The following ATXN1 variants were observed in gnomAD, a reference collection of about 807,000 sequenced individuals.
The protein encoded by ATXN1 is ataxin-1.
Under a neutral mutation model 56.4 loss-of-function variants are expected in ATXN1, and 8 were observed. That is an observed-to-expected ratio of 0.14 (90% confidence interval 0.08 to 0.26). The LOEUF (loss-of-function observed/expected upper bound fraction) is 0.26. ATXN1 is among the 10% of genes least tolerant of loss of function. The probability of loss-of-function intolerance (pLI) is 1.00; values close to 1 mark genes in which losing one functional copy is unlikely to be tolerated. For synonymous variants in ATXN1, 514 were observed against 494.6 expected (o/e 1.04, Z -0.52); for missense variants, 987 against 1,106.5 (o/e 0.89, Z 1.53).
rs186325810 is a variant in ATXN1 at position 16,300,413 on chromosome 6, G to A, written c.*5916C>T. The A allele has an allele frequency of 2.6e-5, 4 of 152,674 alleles. No homozygotes were observed. Among genetic ancestry groups the A allele is most frequent in the East Asian group, 3.9e-4 (2 of 5,190 alleles). 9.5% of individuals were successfully genotyped at this position (152,674 alleles called of 1,614,324 possible). On this transcript the variant is annotated 3_prime_UTR_variant, in exon 8 of 8. Transcript: ENST00000436367. Reference sequence around the variant, plus strand: ...AGCTACCAGAACAGTTGCCTTCAACGAGAAGGGAGGGGACGAGATTCTGAA... The same window carrying A: ...AGCTACCAGAACAGTTGCCTTCAACAAGAAGGGAGGGGACGAGATTCTGAA...
At chr6:16,749,273 TATC>T (rs1369429975) in intron 2 of ATXN1, among the ~76,000 whole-genome samples, 1 of 152,224 alleles carries the variant, frequency 6.6e-6, no homozygotes, top group Non-Finnish European at 1.5e-5. Flanking sequence ...GATTTACGCA[TATC>T]ATGTGAGATG....
chr6:16,536,196 G>A (rs1470297718), intron 4 of ATXN1, among the ~76,000 whole-genome samples: 1 of 151,950 alleles, frequency 6.6e-6, no homozygotes, highest in East Asian at 1.9e-4. Flanking sequence ...CAACCTGGGC[G>A]ACAGAGTGAG....
In ATXN1 at chr6:16,304,568, C is replaced by T. The variant is rs1340201795; in HGVS notation, c.*1761G>A. ...TCTCAATGAATCTGAAGAAAATTCT[C>T]AGAGTTTCTAAGAGCCCGCTAAGAC... On this transcript the variant is annotated 3_prime_UTR_variant, in exon 8 of 8. Coordinates refer to ENST00000436367, the MANE Select transcript of ATXN1 (RefSeq NM_001128164.2). 1 of 152,544 alleles carries T rather than the reference C, an allele frequency of 6.6e-6. No homozygotes were observed. The highest frequency in any genetic ancestry group is 6.5e-5 in the Admixed American group (1 of 15,282). The allele number at this position is 152,544 out of a possible 1,614,324, so 9.4% of individuals were successfully genotyped here.
At chr6:16,632,526 G>C (rs898909132) in intron 3 of ATXN1, among the ~76,000 whole-genome samples, 3 of 152,120 alleles carry the variant, frequency 2.0e-5, no homozygotes, top group Non-Finnish European at 4.4e-5. Flanking sequence ...AGCCCCGAGG[G>C]GGCCATGCCA....
At chr6:16,673,020 C>A (rs201698081) in intron 2 of ATXN1, among the ~76,000 whole-genome samples, 133 of 105,432 alleles carry the variant, frequency 1.3e-3, no homozygotes, top group South Asian at 2.8e-3. Context: ...TCCCCCCCGC[C>A]AAAAAAAAAA....
chr6:16,416,091 CAA>C (rs372133593), intron 6 of ATXN1, among the ~76,000 whole-genome samples: 9 of 110,526 alleles, frequency 8.1e-5, no homozygotes, highest in Admixed American at 9.4e-5. Context: ...ACCAAGCTTT[CAA>C]AAAAAAAAAA....
chr6:16,572,108 T>C (rs1762343302), intron 4 of ATXN1, among the ~76,000 whole-genome samples: 1 of 152,178 alleles, frequency 6.6e-6, no homozygotes. Context: ...GTCTACATGT[T>C]GTAAAGGTGA....
chr6:16,517,089 T>G (rs2113690520), intron 5 of ATXN1, among the ~76,000 whole-genome samples: 1 of 152,390 alleles, frequency 6.6e-6, no homozygotes, highest in South Asian at 2.1e-4. Flanking sequence ...AGGAATTAAG[T>G]GCAATGGCTA....
intron 6 of ATXN1, among the ~76,000 whole-genome samples, chr6:16,350,825 G>A (rs540176970): frequency 1.3e-5 from 2 of 152,302 alleles, no homozygotes; most frequent in East Asian, 3.9e-4. Flanking sequence ...GCTCACACCT[G>A]TAATCCCAGC....
At chr6:16,322,906 T>G (rs1363788008) in intron 7 of ATXN1, among the ~76,000 whole-genome samples, 1 of 152,236 alleles carries the variant, frequency 6.6e-6, no homozygotes, top group Non-Finnish European at 1.5e-5. Flanking sequence ...GCACTTTTGT[T>G]TCTACAGCGT....
intron 6 of ATXN1, among the ~76,000 whole-genome samples, chr6:16,357,235 TTATTTTA>T (rs1461176741): frequency 1.2e-4 from 1 of 8,260 alleles, no homozygotes; most frequent in African/African-American, 1.4e-3. Flanking sequence ...TTATTATTTT[TTATTTTA>T]TTTTATTTTA....
rs573721741 is a variant in ATXN1, at chr6:16,756,811, C to T, written c.-729-3464G>A. On this transcript the variant is annotated intron_variant, in intron 1 of 7. Transcript: ENST00000436367. ...ATTCACTCCCACATTTACCTACTTACGTGAGTTTCAGAATTTTAGTAAAAT... is the reference window on the plus strand; with the variant it reads ...ATTCACTCCCACATTTACCTACTTATGTGAGTTTCAGAATTTTAGTAAAAT... Among the ~76,000 whole-genome samples the T allele has an allele frequency of 7.9e-5, 12 of 152,272 alleles. No individual in the cohort carries two copies. The East Asian group carries it at 1.2e-3, about 15-fold the overall frequency.
chr6:16,364,310 A>G (rs1171931758), intron 6 of ATXN1, among the ~76,000 whole-genome samples: 1 of 149,186 alleles, frequency 6.7e-6, no homozygotes, highest in Non-Finnish European at 1.5e-5. Context: ...GAGGTTCTAG[A>G]TTTTTTTTTT....
At position 16,327,176 on chromosome 6, in the gene ATXN1, G is replaced by T. The variant is rs1482070456; in HGVS notation, c.1135C>A (p.Arg379=). Residue 379 remains arginine, a synonymous_variant, in exon 7 of 8, where the codon CGG becomes AGG. Transcript: ENST00000436367. ...DYSSRDPSGV[R]ASVMVLPNSN... ...TTGGGCAGGACCATCACAGAGGCCC[G>T]GACCCCCGAAGGATCACGACTGCTG... The T allele has an allele frequency of 2.5e-6, 4 of 1,613,862 alleles. No individual in the cohort carries two copies. The highest frequency in any genetic ancestry group is 3.4e-6 in the Non-Finnish European group (4 of 1,180,026).
Position 16,590,970 on chromosome 6 carries a change from G to A in ATXN1, c.-488-5063C>T, listed in dbSNP as rs59013552. ...CAATTATCCTGCCTCAGCCTCCTGA[G>A]TAGCTGGGATTACAGGCATGCACCA... is the stretch of plus-strand genomic sequence containing the variant. On this transcript the variant is annotated intron_variant, in intron 3 of 7. Coordinates refer to ENST00000436367, the MANE Select transcript of ATXN1 (RefSeq NM_001128164.2). Among the ~76,000 whole-genome samples, 773 of 152,022 alleles carry A rather than the reference G, an allele frequency of 5.1e-3. 5 individuals carry two copies. Among genetic ancestry groups the A allele is most frequent in the African/African-American group, 0.018 (730 of 41,428 alleles).
chr6:16,621,899 A>C (rs748337129), intron 3 of ATXN1, among the ~76,000 whole-genome samples: 1 of 152,212 alleles, frequency 6.6e-6, no homozygotes, highest in Non-Finnish European at 1.5e-5. Context: ...TCTAGCCTCC[A>C]CCACCCACAA....
At chr6:16,386,345 C>T (rs193025251) in intron 6 of ATXN1, among the ~76,000 whole-genome samples, 16 of 152,164 alleles carry the variant, frequency 1.1e-4, no homozygotes, top group South Asian at 4.2e-4. Flanking sequence ...GTGGTGACAG[C>T]GCGTTAACCA....
intron 4 of ATXN1, among the ~76,000 whole-genome samples, chr6:16,541,509 T>C (rs555877088): frequency 1.3e-5 from 2 of 152,308 alleles, no homozygotes; most frequent in Middle Eastern, 3.4e-3. Flanking sequence ...TGGTTTTTCA[T>C]CACCAGCCAG....
At chr6:16,703,845 C>T (rs1759345677) in intron 2 of ATXN1, among the ~76,000 whole-genome samples, 1 of 152,186 alleles carries the variant, frequency 6.6e-6, no homozygotes. Context: ...CATAGTGAAA[C>T]CCCGTCTCTA....
Sources: allele counts gnomAD v4.1 joint callset (sites outside exome capture counted in the v4.1 genomes callset), GRCh38; gene constraint gnomAD v4.1.1; transcripts MANE v1.5; gene names NCBI Gene and HGNC (gene_info 2026-07-23, HGNC 2026-07-21).